SPIRE2: variants seen among roughly 807,000 people sequenced by gnomAD.
The protein encoded by SPIRE2 is protein spire homolog 2.
SPIRE2 carries 76 observed loss-of-function variants against 80.7 expected under a neutral mutation model. That is an observed-to-expected ratio of 0.94 (90% confidence interval 0.78 to 1.14). The LOEUF (loss-of-function observed/expected upper bound fraction) is 1.14, where lower values mean the gene tolerates loss of function less well. Ranked by LOEUF, SPIRE2 falls within the 50% of genes most tolerant of loss-of-function variation. The pLI is 0.00. For missense variants in SPIRE2, 1,196 were observed against 1,015.3 expected (o/e 1.18, Z -2.42); for synonymous variants, 535 against 432.6 (o/e 1.24, Z -2.94).
chr16:89,836,329 A>G (rs1194592328), intron 1 of SPIRE2: 2 of 448,716 alleles, frequency 4.5e-6, no homozygotes, highest in Admixed American at 4.9e-5. Context: ...GTTAGAACAC[A>G]GACAGCTTTA....
At position 89,854,544 on chromosome 16, in the gene SPIRE2, G is replaced by A. The variant is rs755174881; in HGVS notation, c.784G>A (p.Val262Met). 3.7e-6 allele frequency: 6 copies of A among 1,612,690 alleles called. No homozygotes were observed. The highest frequency in any genetic ancestry group is 3.3e-5 in the South Asian group (3 of 91,096). The stretch of plus-strand genomic sequence containing the variant: ...CCGCCGCGGAGTGAAGCTGAAGAAG[G>A]TGCAAGAGCAGGAGTTCAACCCCCT... ...ELRRGVKLKK[V>M]QEQEFNPLPT... The change falls in exon 5 of 15, where the codon GTG (valine) becomes ATG (methionine). Residue 262 changes from valine (V) to methionine (M), a missense_variant. Coordinates refer to ENST00000378247, the MANE Select transcript of SPIRE2 (RefSeq NM_032451.2).
chr16:89,831,067 G>A (rs1423084399), intron 1 of SPIRE2, among the ~76,000 whole-genome samples: 3 of 150,318 alleles, frequency 2.0e-5, no homozygotes, highest in Non-Finnish European at 3.0e-5. Context: ...CCGCCACCAC[G>A]CCCGGCTAAT....
At chr16:89,831,365 T>C (rs1374100911) in intron 1 of SPIRE2, among the ~76,000 whole-genome samples, 1 of 150,330 alleles carries the variant, frequency 6.7e-6, no homozygotes, top group African/African-American at 2.4e-5. Context: ...TTTTTTCTTG[T>C]CAACTTTGGA....
intron 1 of SPIRE2, among the ~76,000 whole-genome samples, chr16:89,839,726 A>G (rs1042744592): frequency 6.6e-6 from 1 of 152,076 alleles, no homozygotes; most frequent in Non-Finnish European, 1.5e-5. Context: ...AAGATGTGTG[A>G]GGTCTTCCTC....
intron 1 of SPIRE2, among the ~76,000 whole-genome samples, chr16:89,829,515 G>T (rs1380305525): frequency 6.6e-6 from 1 of 152,256 alleles, no homozygotes; most frequent in Non-Finnish European, 1.5e-5. Flanking sequence ...CCCTGCCGGG[G>T]GGCAGAGGCA....
In SPIRE2 at chr16:89,870,361, T is replaced by C; in HGVS notation, c.*89T>C. 1 of 693,190 alleles carries C rather than the reference T, an allele frequency of 1.4e-6. No individual in the cohort carries two copies. Among genetic ancestry groups the C allele is most frequent in the South Asian group, 1.8e-5 (1 of 56,666 alleles). The allele number at this position is 693,190 out of a possible 1,614,324, so 42.9% of individuals were successfully genotyped here. ...TGAGCTGTGCATGTACATATATACA[T>C]ATATAGATACATTTATAATATATAC... On this transcript the variant is annotated 3_prime_UTR_variant, in exon 15 of 15. Transcript: ENST00000378247.
At chr16:89,858,589 C>G (rs1267792447) in intron 8 of SPIRE2, 82 bp downstream of exon 8, 4 of 1,362,664 alleles carry the variant, frequency 2.9e-6, no homozygotes, top group Middle Eastern at 1.9e-4. Context: ...TAAGCTAAGC[C>G]GGGGGCAGCA....
Position 89,850,306 on chromosome 16 carries a change from C to G in SPIRE2, c.291C>G (p.Thr97=). Residue 97 remains threonine, a splice_region_variant and synonymous_variant, in exon 3 of 15, where the codon ACC becomes ACG. Transcript: ENST00000378247. ...GTGACCGCGCCCCTGTCCCGCAGAC[C>G]GTGCAGTCCCTCGGCTTCGCCATCT... is the stretch of plus-strand genomic sequence containing the variant. ...VVPLASSEAQ[T]VQSLGFAIYR... is the part of the protein sequence containing the mutation. 1 of 1,602,680 alleles carries G rather than the reference C, an allele frequency of 6.2e-7. No individual in the cohort carries two copies.
chr16:89,858,188 T>G, intron 7 of SPIRE2, 150 bp from the exon 8 acceptor site: 9 of 838,846 alleles, frequency 1.1e-5, no homozygotes, highest in Non-Finnish European at 1.6e-5. Flanking sequence ...CCCGGCCTAG[T>G]TCCTCATTTT....
intron 7 of SPIRE2, among the ~76,000 whole-genome samples, chr16:89,857,162 G>C (rs1274211391): frequency 6.9e-6 from 1 of 145,238 alleles, no homozygotes; most frequent in Non-Finnish European, 1.5e-5. Context: ...TTTGAGATAG[G>C]GTATCACTCT....
chr16:89,870,172 C>T lies in SPIRE2; in HGVS notation c.2045C>T (p.Ser682Phe). Reference sequence around the variant, plus strand: ...AGCTTTGTGGCAGACGTGGTGCGTTCCAGCCGCAAGAGCGTGGACGTCCTC... The same window carrying T: ...AGCTTTGTGGCAGACGTGGTGCGTTTCAGCCGCAAGAGCGTGGACGTCCTC... ...CTSFVADVVR[S>F]SRKSVDVLNT... Residue 682 changes from serine to phenylalanine, a missense_variant, in exon 15 of 15, where the codon TCC (serine) becomes TTC (phenylalanine). By Grantham distance (155) the Ser-to-Phe change is radical. Coordinates refer to ENST00000378247, the MANE Select transcript of SPIRE2 (RefSeq NM_032451.2). The T allele has an allele frequency of 6.2e-7, 1 of 1,611,034 alleles. No homozygotes were observed. The highest frequency in any genetic ancestry group is 8.5e-7 in the Non-Finnish European group (1 of 1,178,830).
chr16:89,862,397 T>A (rs1253164744), intron 10 of SPIRE2: 1 of 152,252 alleles, frequency 6.6e-6, no homozygotes, highest in Non-Finnish European at 1.5e-5. Context: ...TGACCACAGG[T>A]CACATGAGTG....
chr16:89,856,523 C>T (rs1381160416), intron 7 of SPIRE2, among the ~76,000 whole-genome samples: 1 of 151,954 alleles, frequency 6.6e-6, no homozygotes, highest in Non-Finnish European at 1.5e-5. Flanking sequence ...CGGCTCACTG[C>T]AACCTCCGCC....
chr16:89,831,191 G>C (rs191918427), intron 1 of SPIRE2, among the ~76,000 whole-genome samples: 6 of 150,224 alleles, frequency 4.0e-5, no homozygotes, highest in Admixed American at 4.0e-4. Context: ...TTACAGGCGT[G>C]AGCCACTGCG....
intron 2 of SPIRE2, chr16:89,846,619 T>C (rs2041563162): frequency 6.6e-6 from 1 of 151,446 alleles, no homozygotes; most frequent in Admixed American, 6.6e-5. Flanking sequence ...GTTCACGCCA[T>C]TCTCCTGGCC....
chr16:89,831,071 G>A (rs35274481), intron 1 of SPIRE2, among the ~76,000 whole-genome samples: 2,149 of 150,382 alleles, frequency 0.014, 90 homozygotes, highest in South Asian at 0.1. Context: ...CACCACGCCC[G>A]GCTAATTTTT....
intron 1 of SPIRE2, among the ~76,000 whole-genome samples, chr16:89,843,759 G>C (rs2041529294): frequency 9.3e-6 from 1 of 107,216 alleles, no homozygotes; most frequent in African/African-American, 3.7e-5. Flanking sequence ...GAATGCAGTG[G>C]CGTGATCTCG....
At chr16:89,830,869 C>T (rs2041372798) in intron 1 of SPIRE2, among the ~76,000 whole-genome samples, 1 of 150,038 alleles carries the variant, frequency 6.7e-6, no homozygotes, top group African/African-American at 2.4e-5. Flanking sequence ...GAAGAGACTT[C>T]CTAATCTTTA....
intron 14 of SPIRE2, 22 bp downstream of exon 14, chr16:89,869,704 T>G: frequency 6.4e-7 from 1 of 1,574,464 alleles, no homozygotes. Context: ...GCCTTGCTGC[T>G]GATGTCACTG....
Sources: allele counts gnomAD v4.1 joint callset (sites outside exome capture counted in the v4.1 genomes callset), GRCh38; gene constraint gnomAD v4.1.1; transcripts MANE v1.5; gene names NCBI Gene and HGNC (gene_info 2026-07-23, HGNC 2026-07-21).